The following CLTCL1 variants were observed in gnomAD, a reference collection of about 807,000 sequenced individuals.
CLTCL1 encodes the protein clathrin heavy chain like 1.
In CLTCL1, 159 loss-of-function variants were observed where a neutral mutation model predicts 190.0. The observed-to-expected ratio is 0.84, with a 90% CI of 0.74 to 0.95. The LOEUF (loss-of-function observed/expected upper bound fraction) is 0.95, where lower values mean the gene tolerates loss of function less well. Ranked by LOEUF, CLTCL1 falls within the 40% of genes least tolerant of loss-of-function variation. CLTCL1 has a pLI of 0.00. For synonymous variants in CLTCL1, 752 were observed against 769.6 expected (o/e 0.98, Z 0.38); for missense variants, 1,878 against 2,033.4 (o/e 0.92, Z 1.47).
chr22:19,234,717 A>G lies in CLTCL1; in HGVS notation c.970-11T>C, dbSNP rs782642772. 6 of 1,611,346 alleles carry G rather than the reference A, an allele frequency of 3.7e-6. No homozygotes were observed. In the Admixed American group the frequency reaches 8.3e-5, roughly 22 times the overall value. On this transcript the variant is annotated splice_polypyrimidine_tract_variant and intron_variant, in intron 6 of 32. Coordinates refer to ENST00000427926, the MANE Select transcript of CLTCL1 (RefSeq NM_007098.4). ...ACAAACTGACAGTACCTGTAAGGACACAACAAGTGAGAGCAGCCCGGCCTA... is the reference window on the plus strand; with the variant it reads ...ACAAACTGACAGTACCTGTAAGGACGCAACAAGTGAGAGCAGCCCGGCCTA...
At chr22:19,228,011 A>G (rs1257049011) in intron 11 of CLTCL1, among the ~76,000 whole-genome samples, 1 of 150,808 alleles carries the variant, frequency 6.6e-6, no homozygotes, top group East Asian at 2.0e-4. Flanking sequence ...GACAAGCTAC[A>G]CTCCTGGGTG....
intron 4 of CLTCL1, among the ~76,000 whole-genome samples, chr22:19,242,210 T>C (rs782203637): frequency 1.9e-4 from 29 of 152,040 alleles, no homozygotes; most frequent in Non-Finnish European, 3.5e-4. Context: ...CCCAAACTGC[T>C]AGGATTACAG....
Position 19,291,583 on chromosome 22 carries a change from A to C in CLTCL1, c.42+17T>G, listed in dbSNP as rs782399290. ...GGCGCGGCTGACAGGGCAGCCCCCC[A>C]GCCCGCCGGGCCTCACCTGGAAGTG... On this transcript the variant is annotated intron_variant, in intron 1 of 32. Transcript: ENST00000427926. The C allele has an allele frequency of 7.3e-7, 1 of 1,371,138 alleles. No individual in the cohort carries two copies. The highest frequency in any genetic ancestry group is 1.7e-5 in the South Asian group (1 of 60,118). 84.9% of individuals were successfully genotyped at this position (1,371,138 alleles called of 1,614,324 possible). A position where few individuals can be genotyped will look rare whatever the true frequency, so the allele number is the denominator to read the frequency against.
chr22:19,243,934 T>C (rs1016239139), intron 3 of CLTCL1, among the ~76,000 whole-genome samples: 1 of 152,042 alleles, frequency 6.6e-6, no homozygotes, highest in East Asian at 1.9e-4. Flanking sequence ...CCTGACGTCG[T>C]GATCTGCCTG....
chr22:19,187,829 A>C, intron 28 of CLTCL1, 101 bp from the exon 29 acceptor site: 12 of 1,385,872 alleles, frequency 8.7e-6, no homozygotes, highest in Non-Finnish European at 1.2e-5. Flanking sequence ...CTATCAGCAC[A>C]GCCTTAGAAA....
chr22:19,204,788 G>A (rs371726044), intron 22 of CLTCL1, among the ~76,000 whole-genome samples: 78 of 152,346 alleles, frequency 5.1e-4, no homozygotes, highest in African/African-American at 1.6e-3. Context: ...CAAACCAGGC[G>A]ATGGGCTGGG....
chr22:19,249,124 C>T (rs1283819640), intron 3 of CLTCL1, among the ~76,000 whole-genome samples: 3 of 152,072 alleles, frequency 2.0e-5, no homozygotes, highest in Non-Finnish European at 4.4e-5. Flanking sequence ...TCTGGGAGGC[C>T]GAAGCGGGCG....
chr22:19,242,404 TC>T (rs1313436984), intron 4 of CLTCL1, among the ~76,000 whole-genome samples: 2 of 152,124 alleles, frequency 1.3e-5, no homozygotes, highest in African/African-American at 2.4e-5. Flanking sequence ...CAAGCAATTC[TC>T]CTACCTCAGC....
intron 22 of CLTCL1, among the ~76,000 whole-genome samples, chr22:19,202,437 TC>T (rs545328224): frequency 2.5e-4 from 38 of 150,646 alleles, no homozygotes; most frequent in South Asian, 8.5e-4. Flanking sequence ...CACCCCTCCT[TC>T]CGCCATCCAC....
chr22:19,189,450 C>T (rs2084420641), intron 27 of CLTCL1, among the ~76,000 whole-genome samples: 1 of 152,248 alleles, frequency 6.6e-6, no homozygotes, highest in African/African-American at 2.4e-5. Context: ...TCTAAATCCC[C>T]TGTAGTCATT....
chr22:19,190,935 G>A (rs891352998), intron 27 of CLTCL1, among the ~76,000 whole-genome samples: 8 of 151,972 alleles, frequency 5.3e-5, no homozygotes, highest in Non-Finnish European at 7.4e-5. Flanking sequence ...CCACCACCAC[G>A]CCCAGCTAAT....
chr22:19,213,830 T>C (rs994987005), intron 19 of CLTCL1, among the ~76,000 whole-genome samples: 3 of 152,174 alleles, frequency 2.0e-5, no homozygotes, highest in African/African-American at 7.2e-5. Flanking sequence ...TAAAGGGTGA[T>C]GGAATTGTTT....
intron 2 of CLTCL1, among the ~76,000 whole-genome samples, chr22:19,274,792 C>T (rs561866398): frequency 6.6e-5 from 10 of 150,420 alleles, no homozygotes; most frequent in East Asian, 2.0e-4. Flanking sequence ...TGCAATGGCG[C>T]GATCTCTGCT....
At chr22:19,225,339 T>C in intron 13 of CLTCL1, 114 bp downstream of exon 13, 1 of 1,132,206 alleles carries the variant, frequency 8.8e-7, no homozygotes, top group Non-Finnish European at 1.2e-6. Context: ...CAGCCAGTGC[T>C]GCATCCTGCC....
In CLTCL1 at chr22:19,208,154, C is replaced by A. The variant is rs2085108894; in HGVS notation, c.3600G>T (p.Gln1200His). ...ACAGCCCCCAGGGGGCATGGCCTAC[C>A]TGCTGGATGTGGGCATTGTTGGGTC... is the stretch of plus-strand genomic sequence containing the variant. Reference protein sequence around the residue: ...INGPNNAHIQQVGDRCYEEGM... With the variant: ...INGPNNAHIQHVGDRCYEEGM... The change falls in exon 22 of 33, where the codon CAG (glutamine) becomes CAT (histidine). Residue 1200 changes from glutamine (Q) to histidine (H), a missense_variant and splice_region_variant. By Grantham distance (24) the Gln-to-His change is conservative. Transcript: ENST00000427926. The A allele has an allele frequency of 6.2e-7, 1 of 1,613,880 alleles. No homozygotes were observed. Among genetic ancestry groups the A allele is most frequent in the Non-Finnish European group, 8.5e-7 (1 of 1,179,884 alleles).
Position 19,180,730 on chromosome 22 carries a change from C to T in CLTCL1, c.4903+1G>A, listed in dbSNP as rs782676103. On this transcript the variant is annotated splice_donor_variant, in intron 31 of 32. Transcript: ENST00000427926. LOFTEE classifies it high-confidence loss of function. ...GGTTGGGGGCTACAGGTGCCACCTA[C>T]CAAACACGAGAGGGGCAGGCTCTGT... 10 of 1,613,686 alleles carry T rather than the reference C, an allele frequency of 6.2e-6. No homozygotes were observed. The South Asian group carries it at 7.7e-5, about 12-fold the overall frequency.
intron 19 of CLTCL1, among the ~76,000 whole-genome samples, chr22:19,211,530 A>G (rs1555946717): frequency 1.3e-5 from 2 of 152,158 alleles, no homozygotes; most frequent in African/African-American, 4.8e-5. Flanking sequence ...GCACTTTGGG[A>G]GGCTGAGGCG....
chr22:19,255,974 A>G (rs2086735459), intron 2 of CLTCL1, among the ~76,000 whole-genome samples: 1 of 152,076 alleles, frequency 6.6e-6, no homozygotes, highest in Non-Finnish European at 1.5e-5. Flanking sequence ...AAATTTAACA[A>G]AGGGTAAGCA....
At chr22:19,226,423 G>T (rs782470938) in intron 11 of CLTCL1, 40 bp from the exon 12 acceptor site, 1 of 1,609,978 alleles carries the variant, frequency 6.2e-7, no homozygotes, top group Admixed American at 1.7e-5. Flanking sequence ...CTGATCAATG[G>T]CAATAACTTT....
Sources: gnomAD v4.1 joint callset for allele counts (sites outside exome capture counted in the v4.1 genomes callset) on GRCh38, gnomAD v4.1.1 for gene constraint, MANE v1.5 for transcripts, NCBI Gene and HGNC (gene_info 2026-07-23, HGNC 2026-07-21) for gene names.